HDAC4: variants seen among roughly 807,000 people sequenced by gnomAD.
The protein encoded by HDAC4 is histone deacetylase A.
A neutral mutation model predicts 135.1 loss-of-function variants in HDAC4; 16 were observed. That is an observed-to-expected ratio of 0.12 (90% confidence interval 0.08 to 0.18). HDAC4 has a LOEUF of 0.18. Among genes scored for constraint, HDAC4 ranks in the 10% least tolerant of loss-of-function variants. The pLI is 1.00. For missense variants in HDAC4, 1,143 were observed against 1,511.8 expected, an observed-to-expected ratio of 0.76 and a Z score of 4.05; for synonymous variants, 685 against 653.4, an observed-to-expected ratio of 1.05 and a Z score of -0.74.
At chr2:239,401,314 AG>A (rs1267674442), upstream of HDAC4, 1 of 152,196 alleles carries the variant, frequency 6.6e-6, no homozygotes, top group Non-Finnish European at 1.5e-5. Context: ...TATGAGCGGC[AG>A]AGAGGCTCCA....
intron 2 of HDAC4, among the ~76,000 whole-genome samples, chr2:239,264,368 C>T (rs1308397082): frequency 6.6e-6 from 1 of 152,212 alleles, no homozygotes; most frequent in Admixed American, 6.5e-5. Context: ...GAGCGAAAGA[C>T]CGTGGGGGCA....
At chr2:239,280,495 G>C (rs2050643121) in intron 2 of HDAC4, among the ~76,000 whole-genome samples, 1 of 152,204 alleles carries the variant, frequency 6.6e-6, no homozygotes. Flanking sequence ...AGGCAGGCAG[G>C]TGACCCGGGC....
intron 1 of HDAC4, among the ~76,000 whole-genome samples, chr2:239,372,634 G>A (rs908463653): frequency 4.6e-5 from 7 of 152,202 alleles, no homozygotes; most frequent in African/African-American, 1.2e-4. Flanking sequence ...GAGTGTACGC[G>A]GCAACACGCA....
intron 6 of HDAC4, among the ~76,000 whole-genome samples, chr2:239,159,774 T>A (rs1215010761): frequency 6.6e-6 from 1 of 152,218 alleles, no homozygotes; most frequent in Non-Finnish European, 1.5e-5. Context: ...CTGCTCCCTC[T>A]ACCTCACCTG....
rs185589714 is a variant in HDAC4, at chr2:239,390,208, G to A, written c.-220+10770C>T. Among the ~76,000 whole-genome samples the A allele has an allele frequency of 4.5e-3, 680 of 152,280 alleles. 3 individuals carry two copies. The highest frequency in any genetic ancestry group is 7.7e-3 in the Non-Finnish European group (523 of 68,022). Reference sequence around the variant, plus strand: ...CTAGCGAGATCCTATCTGATGGGGAGCTACCAGAAATACCTCCCTGCTCAA... The same window carrying A: ...CTAGCGAGATCCTATCTGATGGGGAACTACCAGAAATACCTCCCTGCTCAA... On this transcript the variant is annotated intron_variant, in intron 1 of 26. Coordinates refer to ENST00000543185, the MANE Select transcript of HDAC4 (RefSeq NM_001378414.1).
In HDAC4 at chr2:239,053,581, G is replaced by T; in HGVS notation, c.3109C>A (p.Gln1037Lys). The change falls in exon 26 of 27, where the codon CAG becomes AAG. Residue 1037 changes from glutamine to lysine, a missense_variant. Physicochemically the swap from Gln to Lys is moderately conservative, Grantham distance 53 (BLOSUM62 1). This residue lies in a region of HDAC4 where 131 missense variants were observed against 130.6 expected (regional missense o/e 1.00). Transcript: ENST00000543185. Reference sequence around the variant, plus strand: ...CGCCCCGCTGTGGAGGTTGTGCGCTGCAGGCAGCGCCAGTACTTGCCTGGG... The same window carrying T: ...CGCCCCGCTGTGGAGGTTGTGCGCTTCAGGCAGCGCCAGTACTTGCCTGGG... ...EIHSKYWRCLQRTTSTAGRSL... is the reference protein window; with the variant it reads ...EIHSKYWRCLKRTTSTAGRSL... 6.2e-7 allele frequency: 1 copy of T among 1,613,816 alleles called. No homozygotes were observed. The highest frequency in any genetic ancestry group is 8.5e-7 in the Non-Finnish European group (1 of 1,179,974).
At chr2:239,374,172 G>A (rs1038394281) in intron 1 of HDAC4, among the ~76,000 whole-genome samples, 8 of 152,072 alleles carry the variant, frequency 5.3e-5, no homozygotes, top group South Asian at 2.1e-4. Context: ...AACTTCAGCC[G>A]GTGAACAGCA....
chr2:239,219,345 C>T (rs2046819272), intron 3 of HDAC4, among the ~76,000 whole-genome samples: 1 of 152,156 alleles, frequency 6.6e-6, no homozygotes, highest in South Asian at 2.1e-4. Context: ...TGGAAATCAT[C>T]ATTCTCAGTA....
At chr2:239,358,998 C>G (rs1027756691) in intron 1 of HDAC4, among the ~76,000 whole-genome samples, 4 of 152,058 alleles carry the variant, frequency 2.6e-5, no homozygotes, top group African/African-American at 9.7e-5. Flanking sequence ...TGTTGAGTTC[C>G]CCACATACTG....
chr2:239,342,894 G>A (rs1444157985), intron 2 of HDAC4, among the ~76,000 whole-genome samples: 1 of 152,198 alleles, frequency 6.6e-6, no homozygotes, highest in Non-Finnish European at 1.5e-5. Context: ...GGCTCCCAAA[G>A]GCCTGGCTAT....
intron 24 of HDAC4, among the ~76,000 whole-genome samples, chr2:239,064,287 T>C (rs2033183488): frequency 6.6e-6 from 1 of 152,190 alleles, no homozygotes; most frequent in Admixed American, 6.5e-5. Flanking sequence ...TCTTTCAAAA[T>C]TTAGGATTAC....
intron 21 of HDAC4, 111 bp from the exon 22 acceptor site, chr2:239,081,303 G>C: frequency 1.1e-6 from 1 of 873,404 alleles, no homozygotes. Context: ...TGGGCCCCTG[G>C]GGAGAGCCCA....
chr2:239,094,228 C>T (rs984614241), intron 17 of HDAC4: 63 of 985,452 alleles, frequency 6.4e-5, no homozygotes, highest in East Asian at 1.1e-4. Context: ...TTCTCATGGC[C>T]GCCCTCGCTA....
At chr2:239,241,917 C>T (rs2048193904) in intron 2 of HDAC4, among the ~76,000 whole-genome samples, 2 of 152,090 alleles carry the variant, frequency 1.3e-5, no homozygotes. Context: ...TCTTAACCAC[C>T]ATAACTGTAC....
intron 5 of HDAC4, among the ~76,000 whole-genome samples, chr2:239,165,177 T>G (rs2152975000): frequency 6.6e-6 from 1 of 152,180 alleles, no homozygotes; most frequent in African/African-American, 2.4e-5. Flanking sequence ...GAACCAAGAC[T>G]GTGCCACTGC....
intron 8 of HDAC4, among the ~76,000 whole-genome samples, chr2:239,143,500 C>T (rs1559505130): frequency 6.6e-6 from 1 of 152,202 alleles, no homozygotes; most frequent in African/African-American, 2.4e-5. Flanking sequence ...AAGAAACCTA[C>T]ATCAGAAATG....
At chr2:239,302,736 G>C (rs1472750623) in intron 2 of HDAC4, among the ~76,000 whole-genome samples, 2 of 152,256 alleles carry the variant, frequency 1.3e-5, no homozygotes, top group Non-Finnish European at 2.9e-5. Flanking sequence ...TTCACGCAGA[G>C]CGTTTCGTGG....
chr2:239,330,944 C>T (rs1691529744), intron 2 of HDAC4, among the ~76,000 whole-genome samples: 1 of 152,246 alleles, frequency 6.6e-6, no homozygotes, highest in Non-Finnish European at 1.5e-5. Context: ...AGAGGACAGG[C>T]TGTGCTGCCA....
At chr2:239,334,347 C>T (rs574080024) in intron 2 of HDAC4, among the ~76,000 whole-genome samples, 10 of 151,808 alleles carry the variant, frequency 6.6e-5, no homozygotes, top group Non-Finnish European at 1.2e-4. Flanking sequence ...TGGTGACGCC[C>T]CGTCTCTACA....
Sources: gnomAD v4.1 joint callset for allele counts (sites outside exome capture counted in the v4.1 genomes callset) on GRCh38, gnomAD v4.1.1 for gene constraint, gnomAD v4.1.1 regional missense constraint, MANE v1.5 for transcripts, NCBI Gene and HGNC (gene_info 2026-07-23, HGNC 2026-07-21) for gene names.